ABCA13: variants seen among roughly 807,000 people sequenced by gnomAD.
ABCA13 encodes the protein ATP-binding cassette sub-family A member 13.
ABCA13 carries 476 observed loss-of-function variants against 478.7 expected under a neutral mutation model. The ratio of observed to expected loss-of-function variants is 0.99; its 90% confidence interval spans 0.92 to 1.07. The LOEUF (loss-of-function observed/expected upper bound fraction) is 1.07. Ranked by LOEUF, ABCA13 falls within the 50% of genes least tolerant of loss-of-function variation. ABCA13 has a pLI of 0.00. For synonymous variants in ABCA13, 2,252 were observed against 2,158.9 expected, an observed-to-expected ratio of 1.04 and a Z score of -1.20; for missense variants, 6,060 against 5,910.6, an observed-to-expected ratio of 1.03 and a Z score of -0.83.
chr7:48,260,982 T>A (rs1794090878), intron 15 of ABCA13, among the ~76,000 whole-genome samples: 1 of 152,010 alleles, frequency 6.6e-6, no homozygotes, highest in South Asian at 2.1e-4. Context: ...TTAGAGCTTG[T>A]ATGTCTTAAA....
intron 55 of ABCA13, among the ~76,000 whole-genome samples, chr7:48,559,393 C>T (rs1169600116): frequency 6.6e-6 from 1 of 152,026 alleles, no homozygotes; most frequent in African/African-American, 2.4e-5. Flanking sequence ...TAAATGCTGC[C>T]AGGCCTGTGA....
chr7:48,285,944 T>C (rs1797678341), intron 19 of ABCA13, among the ~76,000 whole-genome samples: 1 of 152,216 alleles, frequency 6.6e-6, no homozygotes, highest in Non-Finnish European at 1.5e-5. Flanking sequence ...AAATAAGGCA[T>C]CAAGGTGGGT....
intron 27 of ABCA13, among the ~76,000 whole-genome samples, chr7:48,330,683 A>G (rs1805237357): frequency 6.6e-6 from 1 of 151,408 alleles, no homozygotes; most frequent in African/African-American, 2.4e-5. Context: ...CGATTCATCT[A>G]TCTATCCATT....
In ABCA13 at chr7:48,425,346, G is replaced by A. The variant is rs1014280616; in HGVS notation, c.12460-2420G>A. ...AATAATGCCTTAGTTATCAAGGTAT[G>A]CTTCATATAATCATAGTTAAATATG... On this transcript the variant is annotated intron_variant, in intron 41 of 61. Coordinates refer to ENST00000435803, the MANE Select transcript of ABCA13 (RefSeq NM_152701.5). Among the ~76,000 whole-genome samples, 8 of 152,304 alleles carry A rather than the reference G, an allele frequency of 5.3e-5. No individual in the cohort carries two copies. The South Asian group carries it at 1.2e-3, about 24-fold the overall frequency.
intron 41 of ABCA13, among the ~76,000 whole-genome samples, chr7:48,419,596 T>A (rs1161322338): frequency 6.6e-6 from 1 of 152,154 alleles, no homozygotes; most frequent in African/African-American, 2.4e-5. Context: ...TTGCTGTTAG[T>A]CACCCCAGAA....
intron 39 of ABCA13, among the ~76,000 whole-genome samples, chr7:48,406,130 TTG>T (rs1458340583): frequency 6.6e-6 from 1 of 152,132 alleles, no homozygotes; most frequent in Non-Finnish European, 1.5e-5. Flanking sequence ...ACCTGGAATT[TTG>T]TGTGTGTTTC....
At chr7:48,364,792 C>CT (rs1811424068) in intron 31 of ABCA13, among the ~76,000 whole-genome samples, 1 of 152,094 alleles carries the variant, frequency 6.6e-6, no homozygotes, top group African/African-American at 2.4e-5. Context: ...TGCCACATTT[C>CT]TTTATCTTTT....
In ABCA13 at chr7:48,276,213, G is replaced by T. The variant is rs201842544; in HGVS notation, c.6547G>T (p.Val2183Phe). ...TATATCTAGAGCAGGCAATTTTGAT[G>T]TTGCCTTTCTTACCCATCTGCTAAA... ...KNISRAGNFD[V>F]AFLTHLLNQE... Residue 2183 changes from valine (V) to phenylalanine (F), a missense_variant, in exon 17 of 62, where the codon GTT (valine) becomes TTT (phenylalanine). Physicochemically the swap from Val to Phe is conservative, Grantham distance 50. Transcript: ENST00000435803. 157 of 1,582,340 alleles carry T rather than the reference G, an allele frequency of 9.9e-5. 2 individuals are homozygous for T. In the African/African-American group the frequency reaches 1.8e-3, roughly 19 times the overall value.
chr7:48,543,658 C>T (rs1015494712), intron 55 of ABCA13, among the ~76,000 whole-genome samples: 2 of 151,202 alleles, frequency 1.3e-5, no homozygotes, highest in Non-Finnish European at 3.0e-5. Flanking sequence ...AAAAAATAGG[C>T]ATAAGACTTA....
At chr7:48,245,810 G>A in intron 12 of ABCA13, 53 bp from the exon 13 acceptor site, 1 of 1,529,986 alleles carries the variant, frequency 6.5e-7, no homozygotes, top group African/African-American at 1.4e-5. Context: ...CCATGAAGAG[G>A]GTATCTAAGC....
In ABCA13 at chr7:48,383,240, A is replaced by G. The variant is rs771711344; in HGVS notation, c.11336-4582A>G. On this transcript the variant is annotated intron_variant, in intron 35 of 61. Transcript: ENST00000435803. ...TTGCAAGAAACTGGTGACTCCTGAC[A>G]TTGTTGCAGTTGTCTATGTGTGCAC... Among the ~76,000 whole-genome samples the G allele has an allele frequency of 2.0e-4, 30 of 152,184 alleles. 1 individual carries two copies. Among genetic ancestry groups the G allele is most frequent in the Non-Finnish European group, 3.4e-4 (23 of 68,024 alleles).
chr7:48,618,641 G>T (rs1237729651), intron 59 of ABCA13, among the ~76,000 whole-genome samples: 1 of 152,178 alleles, frequency 6.6e-6, no homozygotes, highest in Non-Finnish European at 1.5e-5. Flanking sequence ...CTATTGGAAG[G>T]AAGGGGTGAA....
chr7:48,470,745 A>G (rs904948849), intron 44 of ABCA13, among the ~76,000 whole-genome samples: 2 of 152,240 alleles, frequency 1.3e-5, no homozygotes, highest in African/African-American at 2.4e-5. Context: ...CACACTTTGC[A>G]TAGAGCTGGG....
intron 32 of ABCA13, among the ~76,000 whole-genome samples, chr7:48,369,360 A>G (rs527336568): frequency 2.0e-5 from 3 of 152,144 alleles, no homozygotes; most frequent in Admixed American, 1.3e-4. Context: ...TCTGCTGATT[A>G]TTTCTTTTGC....
intron 27 of ABCA13, among the ~76,000 whole-genome samples, chr7:48,317,617 A>G (rs1802787552): frequency 6.6e-6 from 1 of 152,216 alleles, no homozygotes; most frequent in African/African-American, 2.4e-5. Context: ...ATTCCAGGAA[A>G]ACTTCGAGAA....
At chr7:48,374,249 GT>G in intron 33 of ABCA13, 97 bp from the exon 34 acceptor site, 6 of 1,104,474 alleles carry the variant, frequency 5.4e-6, no homozygotes, top group Non-Finnish European at 7.7e-6. Context: ...AGAATGAAAA[GT>G]TGTCATGGCT....
At chr7:48,239,464 C>T in intron 9 of ABCA13, 59 bp downstream of exon 9, 1 of 1,513,864 alleles carries the variant, frequency 6.6e-7, no homozygotes, top group Non-Finnish European at 8.9e-7. Flanking sequence ...TGTCCAAATC[C>T]ATTCTCCTCC....
chr7:48,245,611 A>G lies in ABCA13; in HGVS notation c.1490A>G (p.Gln497Arg), dbSNP rs1770026932. Residue 497 changes from glutamine (Q) to arginine (R), a missense_variant and splice_region_variant, in exon 12 of 62, where the codon CAG (glutamine) becomes CGG (arginine). By Grantham distance (43) the Gln-to-Arg change is conservative. Transcript: ENST00000435803. ...EKDVFFWELKQMLAKNAVCPN... is the reference protein window; with the variant it reads ...EKDVFFWELKRMLAKNAVCPN... ...GATGTGTTCTTTTGGGAGCTGAAAC[A>G]GGTAAAGCACAACAAATAATTATAA... 9 of 1,606,128 alleles carry G rather than the reference A, an allele frequency of 5.6e-6. No individual in the cohort carries two copies. Among genetic ancestry groups the G allele is most frequent in the Non-Finnish European group, 6.8e-6 (8 of 1,177,376 alleles).
At chr7:48,224,742 C>T (rs1787901558) in intron 5 of ABCA13, among the ~76,000 whole-genome samples, 1 of 152,182 alleles carries the variant, frequency 6.6e-6, no homozygotes, top group African/African-American at 2.4e-5. Context: ...ATTTTATATA[C>T]AGGCAGTGAT....
Sources: gnomAD v4.1 joint callset for allele counts (sites outside exome capture counted in the v4.1 genomes callset) on GRCh38, gnomAD v4.1.1 for gene constraint, MANE v1.5 for transcripts, NCBI Gene and HGNC (gene_info 2026-07-23, HGNC 2026-07-21) for gene names.